Variants in CDH13 observed in about 807,000 individuals in gnomAD.
The protein encoded by CDH13 is cadherin 13, also known as cadherin-13.
Under a neutral mutation model 63.8 loss-of-function variants are expected in CDH13, and 24 were observed. The observed-to-expected ratio is 0.38, with a 90% CI of 0.27 to 0.53. The LOEUF is 0.53. Ranked by LOEUF, CDH13 falls within the 20% of genes least tolerant of loss-of-function variation. CDH13 has a pLI of 0.85. For synonymous variants in CDH13, 503 were observed against 355.3 expected (o/e 1.42, Z -4.67); for missense variants, 1,049 against 903.1 (o/e 1.16, Z -2.07).
chr16:83,438,058 G>C lies in CDH13; in HGVS notation c.782-48419G>C, dbSNP rs1031228799. ...CCCTACTCTCCCCTGTGCTAGAGTG[G>C]ACTCTAAAGCACACACCTGATGATG... On this transcript the variant is annotated intron_variant, in intron 6 of 13. Transcript: ENST00000567109. 2.0e-5 allele frequency among the ~76,000 whole-genome samples: 3 copies of C among 152,194 alleles called. No individual in the cohort carries two copies. The East Asian group carries it at 5.8e-4, about 29-fold the overall frequency.
intron 7 of CDH13, among the ~76,000 whole-genome samples, chr16:83,544,534 T>A (rs1271086325): frequency 6.6e-6 from 1 of 152,188 alleles, no homozygotes; most frequent in Non-Finnish European, 1.5e-5. Flanking sequence ...TTACATGAGA[T>A]GTTTAACACT....
chr16:83,724,916 C>A (rs940496548), intron 10 of CDH13, among the ~76,000 whole-genome samples: 1 of 152,202 alleles, frequency 6.6e-6, no homozygotes, highest in African/African-American at 2.4e-5. Flanking sequence ...CATCCTACCC[C>A]TGGGACTCCC....
chr16:83,422,906 A>G (rs973217791), intron 6 of CDH13, among the ~76,000 whole-genome samples: 22 of 152,202 alleles, frequency 1.4e-4, no homozygotes, highest in Admixed American at 1.0e-3. Context: ...ATAAAGGAGG[A>G]GGAGGAGAAT....
chr16:83,718,640 G>A (rs530568295), intron 10 of CDH13, among the ~76,000 whole-genome samples: 1 of 152,192 alleles, frequency 6.6e-6, no homozygotes, highest in African/African-American at 2.4e-5. Context: ...ATGTTAACGA[G>A]CATATATTGA....
intron 3 of CDH13, among the ~76,000 whole-genome samples, chr16:83,079,020 C>T (rs1438708068): frequency 2.6e-5 from 4 of 152,136 alleles, no homozygotes; most frequent in African/African-American, 4.8e-5. Flanking sequence ...GTCTTGAACT[C>T]CTGACCTCAG....
chr16:83,792,567 G>C (rs1449200480), intron 13 of CDH13, among the ~76,000 whole-genome samples: 2 of 152,182 alleles, frequency 1.3e-5, no homozygotes, highest in Non-Finnish European at 2.9e-5. Flanking sequence ...CGCCACTAGT[G>C]GCATCTAGTG....
intron 2 of CDH13, among the ~76,000 whole-genome samples, chr16:82,934,088 T>C (rs551552749): frequency 6.6e-6 from 1 of 152,360 alleles, no homozygotes; most frequent in South Asian, 2.1e-4. Flanking sequence ...CTATGTGTGG[T>C]GGCTCTGATC....
At chr16:83,165,738 C>T (rs563570232) in intron 4 of CDH13, among the ~76,000 whole-genome samples, 17 of 152,148 alleles carry the variant, frequency 1.1e-4, no homozygotes, top group Non-Finnish European at 1.3e-4. Flanking sequence ...ACATGGGTGC[C>T]GGTTTGACCT....
At chr16:83,146,877 C>G (rs1415190571) in intron 4 of CDH13, among the ~76,000 whole-genome samples, 1 of 152,210 alleles carries the variant, frequency 6.6e-6, no homozygotes, top group African/African-American at 2.4e-5. Context: ...TCCTTGAGGT[C>G]AGGAGTTCGA....
At chr16:82,800,486 C>G (rs1051106773) in intron 1 of CDH13, among the ~76,000 whole-genome samples, 1 of 152,082 alleles carries the variant, frequency 6.6e-6, no homozygotes, top group Non-Finnish European at 1.5e-5. Context: ...CTTAGAAGGC[C>G]CGTTAACCTC....
intron 2 of CDH13, among the ~76,000 whole-genome samples, chr16:82,999,251 T>C (rs954304445): frequency 3.9e-5 from 6 of 152,148 alleles, no homozygotes; most frequent in East Asian, 1.9e-4. Context: ...AAGTTGTTTT[T>C]TTCCCCCCTC....
chr16:82,718,958 G>A (rs1039879447), intron 1 of CDH13, among the ~76,000 whole-genome samples: 10 of 152,306 alleles, frequency 6.6e-5, no homozygotes, highest in Non-Finnish European at 1.0e-4. Context: ...GGTGCGTGTT[G>A]GATGCATGTG....
intron 6 of CDH13, among the ~76,000 whole-genome samples, chr16:83,393,202 G>T (rs1406306678): frequency 6.6e-6 from 1 of 152,326 alleles, no homozygotes; most frequent in South Asian, 2.1e-4. Flanking sequence ...ATGCCAAGGG[G>T]TGCCCATGGA....
At chr16:82,792,151 G>T (rs942549704) in intron 1 of CDH13, among the ~76,000 whole-genome samples, 1 of 152,036 alleles carries the variant, frequency 6.6e-6, no homozygotes, top group Non-Finnish European at 1.5e-5. Context: ...AGCCATCCCC[G>T]GTTCCTTGAC....
intron 7 of CDH13, among the ~76,000 whole-genome samples, chr16:83,565,342 A>G (rs971073860): frequency 1.4e-5 from 2 of 143,170 alleles, no homozygotes; most frequent in African/African-American, 2.6e-5. Context: ...GACAACCCTG[A>G]CCTCACATGC....
intron 1 of CDH13, among the ~76,000 whole-genome samples, chr16:82,795,054 C>T (rs991026258): frequency 3.9e-5 from 6 of 152,184 alleles, no homozygotes; most frequent in Non-Finnish European, 8.8e-5. Context: ...CTCATAGTCT[C>T]ATTCATGATG....
intron 1 of CDH13, among the ~76,000 whole-genome samples, chr16:82,656,478 A>G (rs1002388303): frequency 6.6e-6 from 1 of 152,180 alleles, no homozygotes; most frequent in Non-Finnish European, 1.5e-5. Flanking sequence ...AAGTTTCCCA[A>G]GTACCTCCTA....
At chr16:83,511,260 T>C (rs111908550) in intron 7 of CDH13, among the ~76,000 whole-genome samples, 1,702 of 152,238 alleles carry the variant, frequency 0.011, 30 homozygotes, top group African/African-American at 0.038. Context: ...TCAGGAGTTT[T>C]AGACCAGCCT....
At chr16:83,100,788 C>T (rs2034437615) in intron 3 of CDH13, among the ~76,000 whole-genome samples, 1 of 152,206 alleles carries the variant, frequency 6.6e-6, no homozygotes, top group Non-Finnish European at 1.5e-5. Flanking sequence ...TATACACTTG[C>T]AGCACCCATG....
Sources: allele counts gnomAD v4.1 joint callset (sites outside exome capture counted in the v4.1 genomes callset), GRCh38; gene constraint gnomAD v4.1.1; transcripts MANE v1.5; gene names NCBI Gene and HGNC (gene_info 2026-07-23, HGNC 2026-07-21).